EBF1: variants seen among roughly 807,000 people sequenced by gnomAD.
EBF1 encodes transcription factor COE1.
In EBF1, 10 loss-of-function variants were observed where a neutral mutation model predicts 68.4. The observed-to-expected ratio is 0.15, with a 90% confidence interval of 0.09 to 0.25. The LOEUF (loss-of-function observed/expected upper bound fraction) is 0.25. EBF1 is among the 10% of genes least tolerant of loss of function. The pLI is 1.00. For missense variants in EBF1, 509 were observed against 794.4 expected (o/e 0.64, Z 4.32); for synonymous variants, 298 against 299.8 (o/e 0.99, Z 0.06).
intron 4 of EBF1, among the ~76,000 whole-genome samples, chr5:159,086,368 C>T (rs1780638796): frequency 6.6e-6 from 1 of 152,122 alleles, no homozygotes; most frequent in South Asian, 2.1e-4. Context: ...ATTTAATCTA[C>T]AGACCCTACT....
chr5:159,092,589 AC>A (rs1348429694), intron 4 of EBF1, among the ~76,000 whole-genome samples: 9 of 152,190 alleles, frequency 5.9e-5, no homozygotes, highest in Non-Finnish European at 1.3e-4. Context: ...TGCTAATCCC[AC>A]CCAAGATCAA....
intron 6 of EBF1, among the ~76,000 whole-genome samples, chr5:159,069,270 C>T (rs1777401786): frequency 6.6e-6 from 1 of 151,618 alleles, no homozygotes; most frequent in African/African-American, 2.4e-5. Context: ...GAATGATGCT[C>T]ACATTGTCAC....
At chr5:158,734,240 T>A (rs1309583402) in intron 10 of EBF1, among the ~76,000 whole-genome samples, 1 of 152,216 alleles carries the variant, frequency 6.6e-6, no homozygotes, top group East Asian at 1.9e-4. Flanking sequence ...CTTTTTGCTG[T>A]GAATTTTCTA....
chr5:158,845,660 T>A (rs1791320076), intron 6 of EBF1, among the ~76,000 whole-genome samples: 1 of 148,292 alleles, frequency 6.7e-6, no homozygotes. Flanking sequence ...CAAAGACCTA[T>A]GTACCCAATG....
At chr5:158,744,375 C>T (rs1767097462) in intron 10 of EBF1, among the ~76,000 whole-genome samples, 1 of 152,020 alleles carries the variant, frequency 6.6e-6, no homozygotes, top group Non-Finnish European at 1.5e-5. Context: ...AGAATAGTAT[C>T]ACCGAAACGA....
At chr5:159,052,117 T>C (rs1046011546) in intron 6 of EBF1, among the ~76,000 whole-genome samples, 1 of 151,976 alleles carries the variant, frequency 6.6e-6, no homozygotes, top group African/African-American at 2.4e-5. Flanking sequence ...GTATCTACCA[T>C]GAACGCAATT....
chr5:158,726,803 A>T (rs1294166715), intron 11 of EBF1, among the ~76,000 whole-genome samples: 1 of 152,100 alleles, frequency 6.6e-6, no homozygotes, highest in Non-Finnish European at 1.5e-5. Flanking sequence ...CAGTGAGGCT[A>T]CCGACCCTGA....
intron 6 of EBF1, among the ~76,000 whole-genome samples, chr5:159,030,158 A>ATTGTAG (rs1265887794): frequency 5.3e-5 from 8 of 152,130 alleles, no homozygotes; most frequent in African/African-American, 1.9e-4. Context: ...AGAACACAAA[A>ATTGTAG]TTGTAGTTGC....
At chr5:158,784,259 G>C (rs796368149) in intron 9 of EBF1, among the ~76,000 whole-genome samples, 1 of 152,186 alleles carries the variant, frequency 6.6e-6, no homozygotes, top group African/African-American at 2.4e-5. Flanking sequence ...AAACCAACTG[G>C]AAGTGGCCAG....
rs1582649929 is a variant in EBF1, at chr5:158,859,940, A to G, written c.555-19830T>C. ...TCTATGTGAAGGGAACGTATTTTATACAATCCTGTTTCCTCCACAATGTTT... is the reference window on the plus strand; with the variant it reads ...TCTATGTGAAGGGAACGTATTTTATGCAATCCTGTTTCCTCCACAATGTTT... On this transcript the variant is annotated intron_variant, in intron 6 of 15. Coordinates refer to ENST00000313708, the MANE Select transcript of EBF1 (RefSeq NM_024007.5). Among the ~76,000 whole-genome samples, 3 of 152,332 alleles carry G rather than the reference A, an allele frequency of 2.0e-5. No homozygotes were observed. The South Asian group carries it at 6.2e-4, about 32-fold the overall frequency.
chr5:158,891,212 C>G (rs544161944), intron 6 of EBF1, among the ~76,000 whole-genome samples: 16 of 152,308 alleles, frequency 1.1e-4, no homozygotes, highest in Non-Finnish European at 2.2e-4. Flanking sequence ...CTATGTCTCT[C>G]TCTTGCCACT....
At chr5:159,045,310 T>C (rs1584228241) in intron 6 of EBF1, among the ~76,000 whole-genome samples, 1 of 152,244 alleles carries the variant, frequency 6.6e-6, no homozygotes, top group South Asian at 2.1e-4. Context: ...TGGGAGCAAC[T>C]TTTTTGTGCC....
intron 7 of EBF1, among the ~76,000 whole-genome samples, chr5:158,835,845 A>G (rs559808047): frequency 1.6e-4 from 25 of 152,332 alleles, no homozygotes; most frequent in Non-Finnish European, 2.9e-4. Context: ...CATATTCTTA[A>G]TAAGGGTATT....
At position 158,696,917 on chromosome 5, in the gene EBF1, TTC is replaced by T. The variant is rs1561656768; in HGVS notation, c.*2192_*2193del. 5.1e-6 allele frequency: 1 copy of T among 196,856 alleles called. No homozygotes were observed. The highest frequency in any genetic ancestry group is 1.0e-5 in the Non-Finnish European group (1 of 95,302). 12.2% of individuals were successfully genotyped at this position (196,856 alleles called of 1,614,324 possible). A position where few individuals can be genotyped will look rare whatever the true frequency, so the allele number is the denominator to read the frequency against. On this transcript the variant is annotated 3_prime_UTR_variant, in exon 16 of 16. Coordinates refer to ENST00000313708, the MANE Select transcript of EBF1 (RefSeq NM_024007.5). ...TCTTTGTTTTTTTTTTTTTCTTTTT[TTC>T]TTTTTCTTTTTTCTTAGAATGTTAG...
chr5:158,743,023 AG>A (rs1052824119), intron 10 of EBF1, among the ~76,000 whole-genome samples: 1 of 152,250 alleles, frequency 6.6e-6, no homozygotes, highest in Non-Finnish European at 1.5e-5. Context: ...GTGAGTCCCC[AG>A]CTGGAAATGA....
chr5:159,009,341 G>A (rs1434976959), intron 6 of EBF1, among the ~76,000 whole-genome samples: 1 of 152,182 alleles, frequency 6.6e-6, no homozygotes, highest in Non-Finnish European at 1.5e-5. Context: ...GTCTTGCACA[G>A]TATTTCCTCC....
At chr5:158,850,094 A>G (rs1169426018) in intron 6 of EBF1, among the ~76,000 whole-genome samples, 1 of 152,160 alleles carries the variant, frequency 6.6e-6, no homozygotes, top group Non-Finnish European at 1.5e-5. Flanking sequence ...TTAAACTTTG[A>G]TGTTGAGAAA....
chr5:159,096,708 G>T (rs1782680935), intron 2 of EBF1: 1 of 607,414 alleles, frequency 1.6e-6, no homozygotes, highest in Non-Finnish European at 2.9e-6. Context: ...GTGGAGGGCG[G>T]GTTCATTCCG....
chr5:159,098,779 GA>G (rs1400005020), intron 1 of EBF1, among the ~76,000 whole-genome samples: 2 of 124,644 alleles, frequency 1.6e-5, no homozygotes, highest in Non-Finnish European at 3.2e-5. Flanking sequence ...AGAGGAAGGA[GA>G]AGAGAAGAAA....
Sources: gnomAD v4.1 joint callset for allele counts (sites outside exome capture counted in the v4.1 genomes callset) on GRCh38, gnomAD v4.1.1 for gene constraint, MANE v1.5 for transcripts, NCBI Gene and HGNC (gene_info 2026-07-23, HGNC 2026-07-21) for gene names.